ALK: variants seen among roughly 807,000 people sequenced by gnomAD.
The protein encoded by ALK is ALK tyrosine kinase receptor.
In ALK, 74 loss-of-function variants were observed where a neutral mutation model predicts 163.1. The observed-to-expected ratio is 0.45, with a 90% CI of 0.38 to 0.55. The LOEUF (loss-of-function observed/expected upper bound fraction) is 0.55. Among genes scored for constraint, ALK ranks in the 20% least tolerant of loss-of-function variants. The pLI is 0.00. For synonymous variants in ALK, 960 were observed against 843.2 expected (o/e 1.14, Z -2.40); for missense variants, 2,063 against 2,105.3 (o/e 0.98, Z 0.39).
intron 3 of ALK, among the ~76,000 whole-genome samples, chr2:29,683,512 C>T (rs1236253638): frequency 1.3e-5 from 2 of 152,164 alleles, no homozygotes; most frequent in African/African-American, 4.8e-5. Flanking sequence ...CTGACCACAA[C>T]CTTTGCTATG....
chr2:29,415,672 T>G (rs1669858012), intron 4 of ALK, among the ~76,000 whole-genome samples: 1 of 152,194 alleles, frequency 6.6e-6, no homozygotes, highest in African/African-American at 2.4e-5. Flanking sequence ...AAATATTATT[T>G]CTGGGTATGT....
intron 3 of ALK, among the ~76,000 whole-genome samples, chr2:29,683,610 T>C (rs975865128): frequency 2.6e-5 from 4 of 152,166 alleles, no homozygotes; most frequent in Middle Eastern, 3.2e-3. Flanking sequence ...CTTGCTGCAC[T>C]TCCATTTGTA....
intron 3 of ALK, among the ~76,000 whole-genome samples, chr2:29,664,900 C>T (rs1677462886): frequency 1.3e-5 from 2 of 152,110 alleles, no homozygotes; most frequent in African/African-American, 4.8e-5. Flanking sequence ...GGCTGCCCAC[C>T]AGTCTATCCT....
At chr2:29,377,653 T>C (rs113839359) in intron 5 of ALK, among the ~76,000 whole-genome samples, 11 of 152,310 alleles carry the variant, frequency 7.2e-5, no homozygotes, top group African/African-American at 2.4e-4. Context: ...TATAAGACTT[T>C]GTTTTAATTA....
intron 3 of ALK, among the ~76,000 whole-genome samples, chr2:29,650,188 A>G (rs549855292): frequency 6.6e-6 from 1 of 152,214 alleles, no homozygotes; most frequent in Non-Finnish European, 1.5e-5. Context: ...AAACATATCA[A>G]GATGAACTGA....
At chr2:29,251,076 C>A (rs752571666) in intron 12 of ALK, 29 bp downstream of exon 12, 12 of 1,608,328 alleles carry the variant, frequency 7.5e-6, no homozygotes, top group Non-Finnish European at 9.3e-6. Context: ...GGGTGGTCTG[C>A]CCCTCCCCTC....
At chr2:29,702,423 G>C (rs1678770412) in intron 2 of ALK, among the ~76,000 whole-genome samples, 2 of 152,188 alleles carry the variant, frequency 1.3e-5, no homozygotes, top group Admixed American at 6.5e-5. Flanking sequence ...TGAAGGTTCT[G>C]ATATGACCTA....
chr2:29,896,640 T>TG (rs550669086), intron 1 of ALK, among the ~76,000 whole-genome samples: 92 of 152,322 alleles, frequency 6.0e-4, no homozygotes, highest in African/African-American at 2.0e-3. Context: ...AATAAATTTC[T>TG]GCTGCTTAAG....
intron 3 of ALK, among the ~76,000 whole-genome samples, chr2:29,566,913 A>G (rs778084656): frequency 4.6e-5 from 7 of 152,172 alleles, no homozygotes; most frequent in East Asian, 1.9e-4. Context: ...ATGTAAATAT[A>G]TACAAAGAAA....
chr2:29,346,217 T>C (rs989869771), intron 5 of ALK, among the ~76,000 whole-genome samples: 7 of 152,200 alleles, frequency 4.6e-5, no homozygotes, highest in African/African-American at 1.7e-4. Context: ...CCAAGCCCTT[T>C]CATGTCCACT....
intron 1 of ALK, among the ~76,000 whole-genome samples, chr2:29,731,976 G>T (rs549135225): frequency 1.5e-3 from 228 of 152,316 alleles, no homozygotes; most frequent in African/African-American, 5.1e-3. Context: ...GAAGAGAGGA[G>T]AGTCCTCCCT....
chr2:29,498,298 G>C (rs911348083), intron 4 of ALK, among the ~76,000 whole-genome samples: 2 of 152,060 alleles, frequency 1.3e-5, no homozygotes, highest in Non-Finnish European at 2.9e-5. Context: ...TATTTGTCAG[G>C]CTACTTAGGC....
chr2:29,645,519 A>C (rs1676847047), intron 3 of ALK, among the ~76,000 whole-genome samples: 1 of 152,096 alleles, frequency 6.6e-6, no homozygotes, highest in South Asian at 2.1e-4. Context: ...ATCATCATAA[A>C]ATCTTAGAAT....
chr2:29,365,703 G>A (rs1002924144), intron 5 of ALK, among the ~76,000 whole-genome samples: 1 of 152,134 alleles, frequency 6.6e-6, no homozygotes, highest in Non-Finnish European at 1.5e-5. Flanking sequence ...AAAAAGGGTT[G>A]GGTATTTAAT....
At chr2:29,425,164 G>GA (rs987795538) in intron 4 of ALK, among the ~76,000 whole-genome samples, 2 of 151,788 alleles carry the variant, frequency 1.3e-5, no homozygotes, top group Admixed American at 1.3e-4. Flanking sequence ...TATAGCAAAT[G>GA]AAAAAAAATT....
intron 1 of ALK, among the ~76,000 whole-genome samples, chr2:29,733,433 T>A (rs1057064530): frequency 3.3e-5 from 5 of 152,216 alleles, no homozygotes; most frequent in Middle Eastern, 3.4e-3. Context: ...GGTTTAGATG[T>A]CAGGCTGGCC....
chr2:29,871,625 G>A (rs1181504128), intron 1 of ALK, among the ~76,000 whole-genome samples: 1 of 152,152 alleles, frequency 6.6e-6, no homozygotes, highest in African/African-American at 2.4e-5. Context: ...TAAGAAACCT[G>A]CCTTGACTAC....
At chr2:29,685,629 A>AGCCCTG (rs58528002) in intron 3 of ALK, among the ~76,000 whole-genome samples, 97,463 of 150,852 alleles carry the variant, frequency 0.65, 35,009 homozygotes, top group Non-Finnish European at 0.8. Context: ...GCCCCAGGTA[A>AGCCCTG]GCCCTGGCCC....
At chr2:29,560,750 T>C (rs1327502683) in intron 3 of ALK, among the ~76,000 whole-genome samples, 2 of 152,010 alleles carry the variant, frequency 1.3e-5, no homozygotes, top group East Asian at 3.9e-4. Flanking sequence ...TTTGGTATTT[T>C]TTATAGAGAC....
Sources: allele counts gnomAD v4.1 joint callset (sites outside exome capture counted in the v4.1 genomes callset), GRCh38; gene constraint gnomAD v4.1.1; transcripts MANE v1.5; gene names NCBI Gene and HGNC (gene_info 2026-07-23, HGNC 2026-07-21).